TBC1D16: variants seen among roughly 807,000 people sequenced by gnomAD.
TBC1D16 encodes TBC1 domain family member 16, also known as CTD-2529O21.1.
TBC1D16 carries 58 observed loss-of-function variants against 74.7 expected under a neutral mutation model. The ratio of observed to expected loss-of-function variants is 0.78; its 90% CI spans 0.63 to 0.97. The LOEUF is 0.97. Ranked by LOEUF, TBC1D16 falls within the 50% of genes least tolerant of loss-of-function variation. TBC1D16 has a pLI of 0.00. For synonymous variants in TBC1D16, 493 were observed against 474.7 expected (o/e 1.04, Z -0.50); for missense variants, 1,014 against 1,079.5 (o/e 0.94, Z 0.85).
chr17:79,933,622 C>G lies in TBC1D16; in HGVS notation c.*7237G>C, dbSNP rs2031395184. The G allele has an allele frequency of 6.6e-6, 1 of 152,268 alleles. No homozygotes were observed. The highest frequency in any genetic ancestry group is 2.4e-5 in the African/African-American group (1 of 41,428). The allele number at this position is 152,268 out of a possible 1,614,324, so 9.4% of individuals were successfully genotyped here. A position where few individuals can be genotyped will look rare whatever the true frequency, so the allele number is the denominator to read the frequency against. ...GTAAGGGACACGTGCTCGCCTGAGT[C>G]TCTGGAGTAAGAGTCACGCCTTGGA... On this transcript the variant is annotated 3_prime_UTR_variant, in exon 12 of 12. Coordinates refer to ENST00000310924, the MANE Select transcript of TBC1D16 (RefSeq NM_019020.4).
chr17:79,951,342 G>GC, intron 5 of TBC1D16, 108 bp downstream of exon 5: 1 of 1,382,070 alleles, frequency 7.2e-7, no homozygotes, highest in Non-Finnish European at 9.8e-7. Context: ...CACCCCGTAA[G>GC]CCCCCGGGGC....
chr17:80,018,128 A>G (rs2036155028), intron 1 of TBC1D16, among the ~76,000 whole-genome samples: 3 of 151,942 alleles, frequency 2.0e-5, no homozygotes, highest in Admixed American at 2.0e-4. Flanking sequence ...AGCCATGTCC[A>G]ACAGAAACAC....
intron 1 of TBC1D16, among the ~76,000 whole-genome samples, chr17:80,015,397 G>A (rs2036051248): frequency 1.3e-5 from 2 of 152,160 alleles, no homozygotes; most frequent in Admixed American, 1.3e-4. Context: ...TTGAGTCACT[G>A]CACTCCAGCC....
Position 80,010,137 on chromosome 17 carries a change from C to A in TBC1D16, c.779+23G>T. 1 of 1,586,176 alleles carries A rather than the reference C, an allele frequency of 6.3e-7. No homozygotes were observed. Among genetic ancestry groups the A allele is most frequent in the Non-Finnish European group, 8.6e-7 (1 of 1,164,598 alleles). ...AGGCCTTGGGGGCCTCCCGAGAGCC[C>A]ACGCCCAGAACCAGGAACTCACCTG... On this transcript the variant is annotated intron_variant, in intron 3 of 11. Transcript: ENST00000310924. This position sits in a 1 kb window ranked among gnomAD's most constrained non-coding sequence, Gnocchi z 8.8.
intron 1 of TBC1D16, among the ~76,000 whole-genome samples, chr17:80,030,297 G>A (rs116282853): frequency 0.015 from 2,283 of 152,164 alleles, 57 homozygotes; most frequent in African/African-American, 0.052. Context: ...AACCCCCCAC[G>A]CAGAGTGACT....
rs1375915023 is a variant in TBC1D16, at chr17:79,933,225, TGAGG to T, written c.*7630_*7633del. 6.6e-6 allele frequency: 1 copy of T among 151,028 alleles called. No homozygotes were observed. The highest frequency in any genetic ancestry group is 2.4e-5 in the African/African-American group (1 of 40,900). 9.4% of individuals were successfully genotyped at this position (151,028 alleles called of 1,614,324 possible). A position where few individuals can be genotyped will look rare whatever the true frequency, so the allele number is the denominator to read the frequency against. ...AGGTCTGGACTTCTCTGGGTGGATG[TGAGG>T]GAGGGTGATTGAACTGGAGGAGGGG... is the stretch of plus-strand genomic sequence containing the variant. On this transcript the variant is annotated 3_prime_UTR_variant, in exon 12 of 12. Transcript: ENST00000310924.
At chr17:79,995,193 C>T (rs1023587257) in intron 3 of TBC1D16, among the ~76,000 whole-genome samples, 5 of 151,634 alleles carry the variant, frequency 3.3e-5, no homozygotes, top group Non-Finnish European at 5.9e-5. Flanking sequence ...CCAGCTACTC[C>T]GGAGGCTGAG....
chr17:79,947,950 A>G, intron 8 of TBC1D16, 119 bp from the exon 9 acceptor site: 1 of 791,220 alleles, frequency 1.3e-6, no homozygotes, highest in Non-Finnish European at 2.0e-6. Context: ...CCTCAGTGGA[A>G]GGCAGCTGTG....
At chr17:80,011,294 A>C (rs1598424677) in intron 2 of TBC1D16, among the ~76,000 whole-genome samples, 2 of 142,914 alleles carry the variant, frequency 1.4e-5, no homozygotes, top group African/African-American at 2.6e-5. Context: ...CGAACCGCCC[A>C]CCTCAGCCTC....
chr17:80,013,629 G>A lies in TBC1D16; in HGVS notation c.-62-20C>T, dbSNP rs1473814433. 7.2e-7 allele frequency: 1 copy of A among 1,392,536 alleles called. No homozygotes were observed. The highest frequency in any genetic ancestry group is 9.5e-7 in the Non-Finnish European group (1 of 1,048,742). 86.3% of individuals were successfully genotyped at this position (1,392,536 alleles called of 1,614,324 possible). A position where few individuals can be genotyped will look rare whatever the true frequency, so the allele number is the denominator to read the frequency against. ...ACCTGCCTGGGGGAGGAAGAGAGAG[G>A]AGATGGTCAAGGTTGTGGACTTGCG... is the stretch of plus-strand genomic sequence containing the variant. On this transcript the variant is annotated intron_variant, in intron 1 of 11. Coordinates refer to ENST00000310924, the MANE Select transcript of TBC1D16 (RefSeq NM_019020.4).
rs1208750006 is a variant in TBC1D16 at position 79,993,826 on chromosome 17, G to A, written c.779+16334C>T. ...GAGCTGGGGCTCGGGAGCCTCCCAA[G>A]GGCAGCTCTGTGTATTCAGAGCAGC... On this transcript the variant is annotated intron_variant, in intron 3 of 11. Coordinates refer to ENST00000310924, the MANE Select transcript of TBC1D16 (RefSeq NM_019020.4). This position sits in a 1 kb window ranked among gnomAD's most constrained non-coding sequence, Gnocchi z 5.1. 6.6e-6 allele frequency among the ~76,000 whole-genome samples: 1 copy of A among 152,048 alleles called. No individual in the cohort carries two copies. The highest frequency in any genetic ancestry group is 2.4e-5 in the African/African-American group (1 of 41,390).
rs1043106072 is a variant in TBC1D16, at chr17:79,987,298, T to C, written c.779+22862A>G. Among the ~76,000 whole-genome samples, 5 of 152,090 alleles carry C rather than the reference T, an allele frequency of 3.3e-5. No homozygotes were observed. The highest frequency in any genetic ancestry group is 1.2e-4 in the African/African-American group (5 of 41,400). On this transcript the variant is annotated intron_variant, in intron 3 of 11. Coordinates refer to ENST00000310924, the MANE Select transcript of TBC1D16 (RefSeq NM_019020.4). This position sits in a 1 kb window ranked among gnomAD's most constrained non-coding sequence, Gnocchi z 5.2. ...CTCTGTCACCCAGGCTGGAGTGCTG[T>C]GGTGACATCACAGCTCACTGCAACC...
intron 3 of TBC1D16, among the ~76,000 whole-genome samples, chr17:79,982,358 C>G (rs944168707): frequency 4.6e-5 from 7 of 150,964 alleles, no homozygotes; most frequent in Admixed American, 4.0e-4. Context: ...GTTGGCCAGG[C>G]TGGTCTTGAA....
At chr17:79,967,388 TACAC>T (rs1238375323) in intron 3 of TBC1D16, among the ~76,000 whole-genome samples, 1 of 152,094 alleles carries the variant, frequency 6.6e-6, no homozygotes, top group East Asian at 1.9e-4. Context: ...TCTACACACA[TACAC>T]ACACAGAAAA....
rs1056732283 is a variant in TBC1D16 at position 79,971,828 on chromosome 17, G to T, written c.780-19010C>A. On this transcript the variant is annotated intron_variant, in intron 3 of 11. Coordinates refer to ENST00000310924, the MANE Select transcript of TBC1D16 (RefSeq NM_019020.4). The surrounding 1 kb of genome is among the most constrained non-coding windows in gnomAD (Gnocchi z 4.6). ...CAGACAGGAGCATCCCACGGGGTAG[G>T]GATGGGGGCTCTGGAAGGCTTCCTC... Among the ~76,000 whole-genome samples, 1 of 152,108 alleles carries T rather than the reference G, an allele frequency of 6.6e-6. No individual in the cohort carries two copies. The highest frequency in any genetic ancestry group is 1.5e-5 in the Non-Finnish European group (1 of 68,014).
At chr17:79,962,515 A>G (rs970397388) in intron 3 of TBC1D16, among the ~76,000 whole-genome samples, 6 of 151,518 alleles carry the variant, frequency 4.0e-5, no homozygotes, top group African/African-American at 1.5e-4. Flanking sequence ...ACCCGGCCCC[A>G]TCTCAACCAT....
intron 3 of TBC1D16, among the ~76,000 whole-genome samples, chr17:80,003,336 C>T (rs544265683): frequency 9.2e-5 from 14 of 152,318 alleles, no homozygotes; most frequent in Admixed American, 5.9e-4. Context: ...CTGGCCACCC[C>T]GGGAACGCAT....
At chr17:79,952,632 G>A (rs767625046) in intron 4 of TBC1D16, 25 bp downstream of exon 4, 2 of 1,574,662 alleles carry the variant, frequency 1.3e-6, no homozygotes, top group East Asian at 2.3e-5. Flanking sequence ...CCAACTCCCA[G>A]GAGGCGCCCA....
intron 7 of TBC1D16, 90 bp from the exon 8 acceptor site, chr17:79,949,096 C>T: frequency 6.4e-7 from 1 of 1,558,252 alleles, no homozygotes; most frequent in Non-Finnish European, 8.7e-7. Context: ...ACCCTTCCTC[C>T]CAACCCCCGT....
Sources: allele counts gnomAD v4.1 joint callset (sites outside exome capture counted in the v4.1 genomes callset), GRCh38; gene constraint gnomAD v4.1.1; non-coding constraint Gnocchi (gnomAD v3.1); transcripts MANE v1.5; gene names NCBI Gene and HGNC (gene_info 2026-07-23, HGNC 2026-07-21).